Variants in SFXN5 observed in about 807,000 individuals in gnomAD.
SFXN5 encodes the protein sideroflexin 5, also known as sideroflexin-5.
Under a neutral mutation model 50.2 loss-of-function variants are expected in SFXN5, and 43 were observed. The ratio of observed to expected loss-of-function variants is 0.86; its 90% CI spans 0.67 to 1.11. SFXN5 has a LOEUF of 1.11. Ranked by LOEUF, SFXN5 falls within the 50% of genes least tolerant of loss-of-function variation. The pLI, the probability that SFXN5 is intolerant of heterozygous loss-of-function variation, is 0.00. For missense variants in SFXN5, 463 were observed against 454.1 expected, an observed-to-expected ratio of 1.02 and a Z score of -0.18; for synonymous variants, 203 against 185.8, an observed-to-expected ratio of 1.09 and a Z score of -0.75.
chr2:72,988,373 C>A (rs772331466), intron 9 of SFXN5, 25 bp from the exon 10 acceptor site: 1 of 1,605,566 alleles, frequency 6.2e-7, no homozygotes, highest in Non-Finnish European at 8.5e-7. Flanking sequence ...AATAAAAACA[C>A]AGAAAAAGTA....
At chr2:73,040,776 G>T in intron 3 of SFXN5, 78 bp downstream of exon 3, 1 of 1,192,212 alleles carries the variant, frequency 8.4e-7, no homozygotes, top group Non-Finnish European at 1.2e-6. Flanking sequence ...AGTGGTTCTG[G>T]CTGCAGCGAA....
At chr2:72,958,476 G>C (rs1186007757) in intron 13 of SFXN5, among the ~76,000 whole-genome samples, 1 of 152,130 alleles carries the variant, frequency 6.6e-6, no homozygotes, top group Non-Finnish European at 1.5e-5. Context: ...CCTTCTAACT[G>C]GGAGGGTCTC....
At chr2:73,003,219 C>T (rs141940388) in intron 6 of SFXN5, among the ~76,000 whole-genome samples, 29 of 152,250 alleles carry the variant, frequency 1.9e-4, no homozygotes, top group South Asian at 4.1e-4. Context: ...CTTCTACCAC[C>T]GGAGGAAGTT....
intron 2 of SFXN5, among the ~76,000 whole-genome samples, chr2:73,047,265 TATATATATATACAC>T (rs1363981550): frequency 6.4e-5 from 5 of 78,382 alleles, no homozygotes; most frequent in African/African-American, 2.6e-4. Context: ...TATATATATA[TATATATATATACAC>T]ACATATATAT....
At chr2:73,062,551 T>C (rs1449724006) in intron 1 of SFXN5, among the ~76,000 whole-genome samples, 4 of 152,208 alleles carry the variant, frequency 2.6e-5, no homozygotes, top group Non-Finnish European at 5.9e-5. Context: ...GCCAGCCTTC[T>C]TGTGTCACTT....
chr2:73,063,431 T>C (rs1221955422), intron 1 of SFXN5, among the ~76,000 whole-genome samples: 3 of 152,064 alleles, frequency 2.0e-5, no homozygotes, highest in Non-Finnish European at 4.4e-5. Flanking sequence ...TAGAGTAAAA[T>C]GTAAATGAAG....
chr2:73,009,769 G>A (rs1675260086), intron 6 of SFXN5, among the ~76,000 whole-genome samples: 1 of 152,210 alleles, frequency 6.6e-6, no homozygotes, highest in Non-Finnish European at 1.5e-5. Context: ...TGAATGGCAG[G>A]GGAGTGGATC....
chr2:72,989,855 T>C (rs996131986), intron 9 of SFXN5, among the ~76,000 whole-genome samples: 1 of 152,216 alleles, frequency 6.6e-6, no homozygotes, highest in Non-Finnish European at 1.5e-5. Flanking sequence ...CTGTGCTGTC[T>C]TTTCTGGGAA....
chr2:72,976,011 G>A (rs1049375102), intron 10 of SFXN5, among the ~76,000 whole-genome samples: 1 of 152,174 alleles, frequency 6.6e-6, no homozygotes, highest in Admixed American at 6.5e-5. Flanking sequence ...ACTCACATGG[G>A]AAGATCTCCA....
chr2:72,947,818 A>ACCCCCCCCCCCCCCCC (rs1553504473), intron 13 of SFXN5, among the ~76,000 whole-genome samples: 2 of 114,476 alleles, frequency 1.7e-5, no homozygotes, highest in South Asian at 3.1e-4. Context: ...ACCTTCTCCC[A>ACCCCCCCCCCCCCCCC]CCCCACCCCT....
At chr2:72,972,490 C>A (rs11898850) in intron 10 of SFXN5, among the ~76,000 whole-genome samples, 70,667 of 152,122 alleles carry the variant, frequency 0.46, 16,864 homozygotes, top group African/African-American at 0.56. Flanking sequence ...GGGTTCCCGG[C>A]TCCTTAGTGA....
chr2:73,033,863 G>C (rs771844033), intron 3 of SFXN5, among the ~76,000 whole-genome samples: 1 of 152,166 alleles, frequency 6.6e-6, no homozygotes, highest in Non-Finnish European at 1.5e-5. Flanking sequence ...ATTTTTGATT[G>C]TCATGACTGG....
At chr2:73,025,666 G>C (rs1341273923) in intron 3 of SFXN5, among the ~76,000 whole-genome samples, 2 of 152,184 alleles carry the variant, frequency 1.3e-5, no homozygotes. Flanking sequence ...ATGAAGAGAT[G>C]AGCGGTTGGC....
chr2:72,999,666 CA>C (rs1373265247), intron 8 of SFXN5, among the ~76,000 whole-genome samples: 3 of 151,940 alleles, frequency 2.0e-5, no homozygotes, highest in Non-Finnish European at 4.4e-5. Flanking sequence ...GTTTAGATGT[CA>C]GGGGGCAGCC....
At chr2:73,027,826 AC>A (rs1375338984) in intron 3 of SFXN5, among the ~76,000 whole-genome samples, 2 of 151,706 alleles carry the variant, frequency 1.3e-5, no homozygotes, top group African/African-American at 4.8e-5. Flanking sequence ...CACTTGGCTA[AC>A]TTTTTGTGTG....
chr2:73,041,160 A>G (rs1204571006), intron 2 of SFXN5, among the ~76,000 whole-genome samples: 1 of 152,224 alleles, frequency 6.6e-6, no homozygotes, highest in Non-Finnish European at 1.5e-5. Flanking sequence ...TCTCCCCAAG[A>G]TATTTTGTTG....
At chr2:72,969,520 G>A (rs1007268704) in intron 11 of SFXN5, among the ~76,000 whole-genome samples, 2 of 151,882 alleles carry the variant, frequency 1.3e-5, no homozygotes, top group Admixed American at 1.3e-4. Context: ...TCAGCCTCTC[G>A]AGTAGCTGGG....
At chr2:73,060,812 G>T (rs1682725067) in intron 1 of SFXN5, among the ~76,000 whole-genome samples, 1 of 151,114 alleles carries the variant, frequency 6.6e-6, no homozygotes, top group Non-Finnish European at 1.5e-5. Flanking sequence ...CAATTCTCCT[G>T]CCTCAGCCTC....
intron 2 of SFXN5, among the ~76,000 whole-genome samples, chr2:73,043,110 CAAT>C (rs1025373114): frequency 8.5e-5 from 13 of 152,160 alleles, no homozygotes; most frequent in African/African-American, 2.9e-4. Flanking sequence ...CAGCAAAAAA[CAAT>C]AAACAGACAA....
Sources: gnomAD v4.1 joint callset for allele counts (sites outside exome capture counted in the v4.1 genomes callset) on GRCh38, gnomAD v4.1.1 for gene constraint, MANE v1.5 for transcripts, NCBI Gene and HGNC (gene_info 2026-07-23, HGNC 2026-07-21) for gene names.